The following TRIM49 variants were observed in gnomAD, a reference collection of about 807,000 sequenced individuals.
TRIM49 encodes tripartite motif containing 49.
A neutral mutation model predicts 27.4 loss-of-function variants in TRIM49; 5 were observed. The observed-to-expected ratio is 0.18, with a 90% CI of 0.10 to 0.38. TRIM49 has a LOEUF of 0.38. Among genes scored for constraint, TRIM49 ranks in the 10% least tolerant of loss-of-function variants. The probability of loss-of-function intolerance (pLI) is 1.00; values close to 1 mark genes in which losing one functional copy is unlikely to be tolerated. For missense variants in TRIM49, 188 were observed against 487.5 expected (o/e 0.39, Z 5.79); for synonymous variants, 69 against 166.0 (o/e 0.42, Z 4.49).
chr11:89,786,178 G>A, the TRIM49 span: 3 of 111,668 alleles, frequency 2.7e-5, no homozygotes, highest in South Asian at 5.8e-4. Flanking sequence ...CGTACCGGAG[G>A]AGGGCGTCCT....
rs765462174 is a variant in TRIM49, at chr11:89,798,226, G to T, written c.1263C>A (p.Ser421Arg). 5.8e-6 allele frequency: 9 copies of T among 1,561,114 alleles called. No individual in the cohort carries two copies. The highest frequency in any genetic ancestry group is 7.7e-6 in the Non-Finnish European group (9 of 1,161,858). The stretch of plus-strand genomic sequence containing the variant: ...GGGAGCTTTGATTAACATCAACAAA[G>T]CTCACAGTCTTAGCCTCACAATCCA... The part of the protein sequence containing the change: ...LFLDCEAKTV[S>R]FVDVNQSSLI... The change falls in exon 8 of 8, where the codon AGC (serine) becomes AGA (arginine). Residue 421 changes from serine to arginine, a missense_variant. Transcript: ENST00000329758.
rs767138799 is a variant in TRIM49, at chr11:89,801,002, AAAG to A, written c.739-17_739-15del. The A allele has an allele frequency of 4.3e-6, 6 of 1,380,860 alleles. No homozygotes were observed. Among genetic ancestry groups the A allele is most frequent in the Admixed American group, 2.5e-5 (1 of 40,590 alleles). 85.5% of individuals were successfully genotyped at this position (1,380,860 alleles called of 1,614,324 possible). A position where few individuals can be genotyped will look rare whatever the true frequency, so the allele number is the denominator to read the frequency against. Reference sequence around the variant, plus strand: ...GTCTCCAAAAGCCTGAAAAAAAAAAAAAGAAGAAAGATTTAGTGCATTTCACAA... The same window carrying A: ...GTCTCCAAAAGCCTGAAAAAAAAAAAAAGAAAGATTTAGTGCATTTCACAA... On this transcript the variant is annotated splice_polypyrimidine_tract_variant and intron_variant, in intron 5 of 7. Coordinates refer to ENST00000329758, the MANE Select transcript of TRIM49 (RefSeq NM_020358.2).
At chr11:89,806,024 G>A (rs1270303915) in intron 2 of TRIM49, among the ~76,000 whole-genome samples, 8 of 150,700 alleles carry the variant, frequency 5.3e-5, no homozygotes, top group East Asian at 1.9e-4. Context: ...CCAGCCCGGC[G>A]GTTTCATTGT....
At chr11:89,794,551 T>G (rs1949675757), downstream of TRIM49, among the ~76,000 whole-genome samples, 1 of 150,824 alleles carries the variant, frequency 6.6e-6, no homozygotes, top group African/African-American at 2.4e-5. Context: ...CATAGACCAA[T>G]GGAATAGAAC....
At chr11:89,797,431 T>G (rs886437619), downstream of TRIM49, among the ~76,000 whole-genome samples, 1 of 148,040 alleles carries the variant, frequency 6.8e-6, no homozygotes, top group African/African-American at 2.5e-5. Flanking sequence ...GAATATTGTA[T>G]CAGGTTCCCC....
At chr11:89,775,880 A>C in the TRIM49 span, among the ~76,000 whole-genome samples, 1 of 150,438 alleles carries the variant, frequency 6.6e-6, no homozygotes, top group Non-Finnish European at 1.5e-5. Context: ...GTCTGAGCAA[A>C]CTTCACAGGT....
chr11:89,800,321 A>G (rs1174784300), intron 6 of TRIM49, among the ~76,000 whole-genome samples: 3 of 151,706 alleles, frequency 2.0e-5, no homozygotes, highest in Admixed American at 1.3e-4. Flanking sequence ...ATATGTATAA[A>G]AAACAAAACA....
chr11:89,792,993 G>GCA (rs1949665381), downstream of TRIM49, among the ~76,000 whole-genome samples: 1 of 151,810 alleles, frequency 6.6e-6, no homozygotes, highest in South Asian at 2.1e-4. Flanking sequence ...TTGATAGACT[G>GCA]CTAGCAAGAC....
At chr11:89,806,388 T>G (rs1949789651) in intron 2 of TRIM49, among the ~76,000 whole-genome samples, 1 of 148,144 alleles carries the variant, frequency 6.8e-6, no homozygotes. Flanking sequence ...TTTTGGCAAT[T>G]TTAAATCCTT....
chr11:89,768,358 G>C, the TRIM49 span: 1 of 1,171,856 alleles, frequency 8.5e-7, no homozygotes, highest in Admixed American at 1.8e-5. Flanking sequence ...AACAGAAAAT[G>C]CTTCATTCAA....
chr11:89,778,575 GAT>G, the TRIM49 span: 1 of 82,118 alleles, frequency 1.2e-5, no homozygotes, highest in Non-Finnish European at 2.7e-5. Context: ...GACAGAAAAA[GAT>G]AGCAAATATT....
chr11:89,783,672 C>A, the TRIM49 span, among the ~76,000 whole-genome samples: 1 of 144,398 alleles, frequency 6.9e-6, no homozygotes, highest in Non-Finnish European at 1.5e-5. Context: ...CCTTCCTATG[C>A]AGTAGAAAGA....
chr11:89,790,970 G>A, the TRIM49 span, among the ~76,000 whole-genome samples: 9 of 151,798 alleles, frequency 5.9e-5, no homozygotes, highest in Admixed American at 2.6e-4. Context: ...GAGGAAGTTC[G>A]AATCCATTGC....
At chr11:89,777,311 G>C in the TRIM49 span, 1 of 1,544,940 alleles carries the variant, frequency 6.5e-7, no homozygotes, top group Non-Finnish European at 8.7e-7. Flanking sequence ...AGATTGCTCT[G>C]TGGGCCCTGC....
the TRIM49 span, among the ~76,000 whole-genome samples, chr11:89,792,579 G>A: frequency 6.6e-6 from 1 of 152,140 alleles, no homozygotes; most frequent in South Asian, 2.1e-4. Flanking sequence ...TAGAACTCAG[G>A]ATTAAGAAAC....
downstream of TRIM49, among the ~76,000 whole-genome samples, chr11:89,797,483 G>A (rs1165400192): frequency 6.9e-6 from 1 of 145,112 alleles, no homozygotes; most frequent in Non-Finnish European, 1.5e-5. Flanking sequence ...GACTGTGTGT[G>A]TTTTGAGGTA....
chr11:89,772,672 T>C, the TRIM49 span, among the ~76,000 whole-genome samples: 1 of 135,328 alleles, frequency 7.4e-6, no homozygotes, highest in Non-Finnish European at 1.5e-5. Flanking sequence ...ATGGAACCCT[T>C]GTGCTATTGT....
At chr11:89,800,020 CCTT>C (rs1454317270) in intron 6 of TRIM49, among the ~76,000 whole-genome samples, 2 of 148,368 alleles carry the variant, frequency 1.3e-5, no homozygotes, top group Non-Finnish European at 3.0e-5. Context: ...CCAATCTGAT[CCTT>C]CTTTTTTTTT....
chr11:89,803,162 AT>A (rs1949752174), intron 4 of TRIM49, among the ~76,000 whole-genome samples: 2 of 146,244 alleles, frequency 1.4e-5, no homozygotes, highest in Non-Finnish European at 1.5e-5. Context: ...ACAAATCCGT[AT>A]TTCTCACCGC....
Sources: gnomAD v4.1 joint callset for allele counts (sites outside exome capture counted in the v4.1 genomes callset) on GRCh38, gnomAD v4.1.1 for gene constraint, MANE v1.5 for transcripts, NCBI Gene and HGNC (gene_info 2026-07-23, HGNC 2026-07-21) for gene names.